ABCA12: variants seen among roughly 807,000 people sequenced by gnomAD.
ABCA12 encodes the protein ATP binding cassette subfamily A member 12, also known as glucosylceramide transporter ABCA12.
Under a neutral mutation model 293.5 loss-of-function variants are expected in ABCA12, and 156 were observed. That is an observed-to-expected ratio of 0.53 (90% CI 0.47 to 0.61). The LOEUF (loss-of-function observed/expected upper bound fraction) is 0.61. ABCA12 is among the 20% of genes least tolerant of loss of function. The pLI is 0.00. For missense variants in ABCA12, 2,797 were observed against 3,090.2 expected (o/e 0.91, Z 2.25); for synonymous variants, 1,063 against 1,108.0 (o/e 0.96, Z 0.81).
In ABCA12 at chr2:214,978,955, T is replaced by C. The variant is rs1297128489; in HGVS notation, c.4826A>G (p.Lys1609Arg). 6.2e-7 allele frequency: 1 copy of C among 1,613,978 alleles called. No homozygotes were observed. Among genetic ancestry groups the C allele is most frequent in the Non-Finnish European group, 8.5e-7 (1 of 1,179,974 alleles). Residue 1609 changes from lysine to arginine, a missense_variant, in exon 32 of 53, where the codon AAG becomes AGG. By Grantham distance (26) the Lys-to-Arg change is conservative (BLOSUM62 2). Coordinates refer to ENST00000272895, the MANE Select transcript of ABCA12 (RefSeq NM_173076.3). ...AACAAGCTCTCCCCCAATATCCTCC[T>C]TGAGGTAGGCTTCGGGGAGATGTGA... ...IQSHLPEAYL[K>R]EDIGGELVYV...
At chr2:214,996,493 A>T (rs1430593912) in intron 23 of ABCA12, among the ~76,000 whole-genome samples, 2 of 152,184 alleles carry the variant, frequency 1.3e-5, no homozygotes, top group African/African-American at 4.8e-5. Context: ...AACCTGAAAG[A>T]TAACTAGAAG....
chr2:215,002,795 C>T (rs932628157), intron 20 of ABCA12, among the ~76,000 whole-genome samples: 1 of 152,146 alleles, frequency 6.6e-6, no homozygotes, highest in South Asian at 2.1e-4. Flanking sequence ...GGGTCAGAGT[C>T]CCCCGAATTC....
chr2:215,038,623 G>C (rs1039230863), intron 7 of ABCA12, among the ~76,000 whole-genome samples: 1 of 152,184 alleles, frequency 6.6e-6, no homozygotes, highest in Non-Finnish European at 1.5e-5. Flanking sequence ...GTTCTCAGGT[G>C]TTGGGTTACT....
chr2:215,071,240 TAAAATAAAATAAAA>T (rs1479911847), intron 2 of ABCA12, among the ~76,000 whole-genome samples: 1 of 124,756 alleles, frequency 8.0e-6, no homozygotes, highest in Non-Finnish European at 1.6e-5. Context: ...TAAAATAAAA[TAAAATAAAATAAAA>T]TAAAAAATAA....
At chr2:215,068,300 G>A (rs1421776638) in intron 2 of ABCA12, among the ~76,000 whole-genome samples, 2 of 152,194 alleles carry the variant, frequency 1.3e-5, no homozygotes, top group Non-Finnish European at 2.9e-5. Flanking sequence ...GGATTAGACT[G>A]CAAAGCTTTT....
chr2:215,098,928 G>A (rs975051754), intron 2 of ABCA12, among the ~76,000 whole-genome samples: 1 of 152,226 alleles, frequency 6.6e-6, no homozygotes, highest in African/African-American at 2.4e-5. Context: ...TCGTAAGCAC[G>A]TTTATGCCCT....
At chr2:215,108,873 C>G (rs1702513677) in intron 2 of ABCA12, among the ~76,000 whole-genome samples, 1 of 152,148 alleles carries the variant, frequency 6.6e-6, no homozygotes, top group African/African-American at 2.4e-5. Context: ...TCCAGACCAG[C>G]CTGGCCAAGA....
intron 5 of ABCA12, chr2:215,050,746 T>C: frequency 1.0e-6 from 1 of 971,404 alleles, no homozygotes; most frequent in Non-Finnish European, 1.2e-6. Flanking sequence ...TGTTAGGCCT[T>C]CTAGTCATTC....
intron 1 of ABCA12, among the ~76,000 whole-genome samples, chr2:215,128,787 C>A (rs1702985390): frequency 6.6e-6 from 1 of 152,060 alleles, no homozygotes; most frequent in Non-Finnish European, 1.5e-5. Context: ...CTACTGAATT[C>A]TTTGTCAGGT....
chr2:215,039,575 G>A (rs1701055719), intron 7 of ABCA12, among the ~76,000 whole-genome samples: 1 of 152,058 alleles, frequency 6.6e-6, no homozygotes, highest in Non-Finnish European at 1.5e-5. Context: ...CTAACACAGT[G>A]AGACACCGTC....
In ABCA12 at chr2:214,968,756, A is replaced by G. The variant is rs775639136; in HGVS notation, c.5742T>C (p.Asp1914=). ...GLPLTKDLRF[D]ITGVPANRTL... ...TTCTATTGGCAGGGACTCCTGTTAT[A>G]TCAAAACGAAGGTCTTTTGTCAAAG... The change falls in exon 38 of 53, where the codon GAT becomes GAC. Residue 1914 remains aspartate (D), a synonymous_variant. Transcript: ENST00000272895. 1.2e-5 allele frequency: 20 copies of G among 1,613,286 alleles called. No homozygotes were observed. In the South Asian group the frequency reaches 1.9e-4, roughly 15 times the overall value.
At chr2:214,992,754 A>G (rs1461302442) in intron 23 of ABCA12, among the ~76,000 whole-genome samples, 1 of 151,954 alleles carries the variant, frequency 6.6e-6, no homozygotes, top group African/African-American at 2.4e-5. Context: ...TCAGCTACTC[A>G]GGAGGCTGAG....
At position 214,934,091 on chromosome 2, in the gene ABCA12, G is replaced by C. The variant is rs753467141; in HGVS notation, c.7667C>G (p.Thr2556Ser). The change falls in exon 52 of 53, where the codon ACC (threonine) becomes AGC (serine). Residue 2556 changes from threonine to serine, a missense_variant. Around this residue, in one of 3 missense-constraint regions of ABCA12, gnomAD observed 2,130 missense variants for 2,427.0 expected, o/e 0.88. Coordinates refer to ENST00000272895, the MANE Select transcript of ABCA12 (RefSeq NM_173076.3). ...TATATATCTTACCTCTTCCAGAGTGGTCTGACTCACTAAGAAATTTGTAAT... is the reference window on the plus strand; with the variant it reads ...TATATATCTTACCTCTTCCAGAGTGCTCTGACTCACTAAGAAATTTGTAAT... ...LNITNFLVSQ[T>S]TLEEVFINFA... The C allele has an allele frequency of 6.2e-7, 1 of 1,613,584 alleles. No individual in the cohort carries two copies. Among genetic ancestry groups the C allele is most frequent in the East Asian group, 2.2e-5 (1 of 44,856 alleles).
Position 215,000,844 on chromosome 2 carries a change from T to G in ABCA12, c.3040A>C (p.Asn1014His). 6.2e-7 allele frequency: 1 copy of G among 1,614,130 alleles called. No individual in the cohort carries two copies. Among genetic ancestry groups the G allele is most frequent in the East Asian group, 2.2e-5 (1 of 44,886 alleles). ...ATAAAAGCCCTGCCATAGATCTGGT[T>G]GTGTGATGGAGAATTGTGTGGCCCT... ...APGPHNSPSHNQIYGRAFIYL... is the reference protein window; with the variant it reads ...APGPHNSPSHHQIYGRAFIYL... The change falls in exon 22 of 53, where the codon AAC becomes CAC. Residue 1014 changes from asparagine (N) to histidine (H), a missense_variant. Coordinates refer to ENST00000272895, the MANE Select transcript of ABCA12 (RefSeq NM_173076.3).
chr2:214,989,618 G>A lies in ABCA12; in HGVS notation c.3628C>T (p.Leu1210=), dbSNP rs749186640. The A allele has an allele frequency of 6.2e-7, 1 of 1,613,858 alleles. No homozygotes were observed. Among genetic ancestry groups the A allele is most frequent in the Admixed American group, 1.7e-5 (1 of 59,992 alleles). Residue 1210 remains leucine (L), a synonymous_variant, in exon 25 of 53, where the codon CTG becomes TTG. Transcript: ENST00000272895. ...TAGCTGAATGCTGTTGGGGACAGCA[G>A]GCTCTGTGAAGAAAGGAAACGGCAA... ...LSYVLKVFMS[L]LSPTAFSYAS...
At chr2:214,972,555 A>G (rs1559122684) in intron 36 of ABCA12, among the ~76,000 whole-genome samples, 2 of 151,984 alleles carry the variant, frequency 1.3e-5, no homozygotes, top group Non-Finnish European at 2.9e-5. Context: ...CTACACGTGC[A>G]CACCACTACA....
chr2:215,136,475 C>A (rs1703229936), intron 1 of ABCA12, among the ~76,000 whole-genome samples: 1 of 151,824 alleles, frequency 6.6e-6, no homozygotes, highest in African/African-American at 2.4e-5. Flanking sequence ...TTTCCTATAA[C>A]TTTTTTTACA....
At chr2:215,114,263 G>A (rs774288794) in intron 1 of ABCA12, among the ~76,000 whole-genome samples, 10 of 152,116 alleles carry the variant, frequency 6.6e-5, no homozygotes, top group African/African-American at 9.7e-5. Flanking sequence ...GTTAGTCACC[G>A]CACCCGGCCA....
chr2:215,078,118 A>C (rs1254400219), intron 2 of ABCA12, among the ~76,000 whole-genome samples: 1 of 152,228 alleles, frequency 6.6e-6, no homozygotes, highest in African/African-American at 2.4e-5. Context: ...CTCTTCTCGC[A>C]TTTTTAAAAA....
Sources: allele counts gnomAD v4.1 joint callset (sites outside exome capture counted in the v4.1 genomes callset), GRCh38; gene constraint gnomAD v4.1.1; regional missense constraint gnomAD v4.1.1; transcripts MANE v1.5; gene names NCBI Gene and HGNC (gene_info 2026-07-23, HGNC 2026-07-21).